Variants in DMD observed in about 807,000 individuals in gnomAD.
The protein encoded by DMD is dystrophin.
In DMD, 63 loss-of-function variants were observed where a neutral mutation model predicts 330.1. The observed-to-expected ratio is 0.19, with a 90% confidence interval of 0.16 to 0.24. The LOEUF (loss-of-function observed/expected upper bound fraction) is 0.24, where lower values mean the gene tolerates loss of function less well. DMD is among the 10% of genes least tolerant of loss of function. DMD has a pLI of 1.00. For synonymous variants in DMD, 1,223 were observed against 959.8 expected, an observed-to-expected ratio of 1.27 and a Z score of -5.07; for missense variants, 3,344 against 2,684.1, an observed-to-expected ratio of 1.25 and a Z score of -5.43.
intron 16 of DMD, among the ~76,000 whole-genome samples, chrX:32,555,393 C>T (rs776761176): frequency 1.8e-5 from 2 of 111,669 alleles, no homozygotes; most frequent in East Asian, 5.7e-4. Flanking sequence ...GATAAGGATG[C>T]CATCTCTCAC....
chrX:32,264,799 T>C (rs946175910), intron 43 of DMD, among the ~76,000 whole-genome samples: 1 of 111,661 alleles, frequency 9.0e-6, no homozygotes, highest in East Asian at 2.8e-4. Flanking sequence ...AGAGAGATGA[T>C]TTAGGGCATC....
At chrX:31,353,978 A>G (rs1359939316) in intron 60 of DMD, among the ~76,000 whole-genome samples, 1 of 112,169 alleles carries the variant, frequency 8.9e-6, no homozygotes, top group Non-Finnish European at 1.9e-5. Flanking sequence ...TGTTTCAACT[A>G]TTAGATCATA....
At chrX:31,710,196 C>G (rs2084525489) in intron 52 of DMD, among the ~76,000 whole-genome samples, 1 of 111,590 alleles carries the variant, frequency 9.0e-6, no homozygotes, top group South Asian at 3.7e-4. Context: ...CCAGATGAAT[C>G]TGGGGGTAAC....
intron 44 of DMD, among the ~76,000 whole-genome samples, chrX:32,205,033 A>ACACACACC (rs2097060573): frequency 2.3e-5 from 2 of 86,916 alleles, no homozygotes; most frequent in Non-Finnish European, 4.6e-5. Flanking sequence ...ACACACACAC[A>ACACACACC]CACACACACC....
chrX:32,292,523 G>A (rs181422962), intron 42 of DMD, among the ~76,000 whole-genome samples: 5 of 108,920 alleles, frequency 4.6e-5, no homozygotes, highest in Non-Finnish European at 9.5e-5. Flanking sequence ...TAGCCAGGAT[G>A]GTCTCGATCT....
intron 42 of DMD, among the ~76,000 whole-genome samples, chrX:32,298,280 G>C (rs975199551): frequency 4.5e-5 from 5 of 110,613 alleles, no homozygotes; most frequent in African/African-American, 1.3e-4. Context: ...AGGCAGGGTT[G>C]AATTCCGGAT....
At chrX:33,212,212 T>C (rs1245210664), upstream of DMD, among the ~76,000 whole-genome samples, 1 of 112,623 alleles carries the variant, frequency 8.9e-6, no homozygotes, top group Non-Finnish European at 1.9e-5. Flanking sequence ...TTGTGAATTA[T>C]GCTAAAACTT....
intron 7 of DMD, among the ~76,000 whole-genome samples, chrX:32,800,457 C>T (rs768513792): frequency 1.2e-4 from 13 of 111,627 alleles, no homozygotes; most frequent in Non-Finnish European, 1.7e-4. Flanking sequence ...TAAATGTGTA[C>T]TTGGTGGTTT....
Position 33,191,643 on chromosome X carries a change from C to T in DMD, c.31+19639G>A, listed in dbSNP as rs143241854. Reference sequence around the variant, plus strand: ...TACACCATGTTGGCCAGGCTGGTCTCGAACTCCTGGCCTCAAGTGATCTTC... The same window carrying T: ...TACACCATGTTGGCCAGGCTGGTCTTGAACTCCTGGCCTCAAGTGATCTTC... On this transcript the variant is annotated intron_variant, in intron 1 of 78. Coordinates refer to ENST00000357033, the MANE Select transcript of DMD (RefSeq NM_004006.3). Among the ~76,000 whole-genome samples the T allele has an allele frequency of 1.1e-3, 118 of 111,517 alleles. 3 individuals carry two copies. In the East Asian group the frequency reaches 0.028, roughly 27 times the overall value.
At chrX:33,268,873 C>T (rs1208836520) in intron 1 of DMD, among the ~76,000 whole-genome samples, 1 of 101,776 alleles carries the variant, frequency 9.8e-6, no homozygotes, top group Non-Finnish European at 2.0e-5. Context: ...GTGCAGTGAG[C>T]CAGGATTGCC....
At chrX:32,154,799 C>G (rs908368867) in intron 44 of DMD, among the ~76,000 whole-genome samples, 1 of 110,461 alleles carries the variant, frequency 9.1e-6, no homozygotes, top group African/African-American at 3.3e-5. Flanking sequence ...GCCAAGATTC[C>G]CCTAGCAGGA....
chrX:32,470,290 T>G (rs983075945), intron 22 of DMD, among the ~76,000 whole-genome samples: 3 of 111,590 alleles, frequency 2.7e-5, no homozygotes, highest in African/African-American at 9.7e-5. Context: ...CTGGTGTTTT[T>G]ACAATGTTTG....
chrX:31,476,681 G>A (rs780463385), intron 59 of DMD, among the ~76,000 whole-genome samples: 1 of 110,714 alleles, frequency 9.0e-6, no homozygotes, highest in South Asian at 3.9e-4. Context: ...ATTGGAAGAA[G>A]CTGGGTAATG....
intron 47 of DMD, among the ~76,000 whole-genome samples, chrX:31,919,721 G>T (rs1413747310): frequency 8.9e-6 from 1 of 112,106 alleles, no homozygotes; most frequent in Admixed American, 9.5e-5. Context: ...TCTTGTAATT[G>T]GTTCTAATAT....
At chrX:31,265,690 C>A (rs2050970416) in intron 62 of DMD, among the ~76,000 whole-genome samples, 1 of 104,651 alleles carries the variant, frequency 9.6e-6, no homozygotes, top group African/African-American at 3.5e-5. Context: ...TTGCTCCACT[C>A]GCTTCTCCAA....
intron 2 of DMD, among the ~76,000 whole-genome samples, chrX:32,866,329 T>C (rs905788691): frequency 2.7e-5 from 3 of 112,327 alleles, no homozygotes; most frequent in African/African-American, 9.7e-5. Context: ...AGTATGTTGG[T>C]TGTTTTAACC....
At chrX:32,362,692 C>T in intron 37 of DMD, 96 bp downstream of exon 37, 1 of 1,006,278 alleles carries the variant, frequency 9.9e-7, no homozygotes, top group Non-Finnish European at 1.4e-6. Context: ...TTTTGAAAAC[C>T]TTGCTGTGGG....
At chrX:32,731,875 A>G (rs1029658748) in intron 7 of DMD, among the ~76,000 whole-genome samples, 7 of 112,303 alleles carry the variant, frequency 6.2e-5, no homozygotes, top group East Asian at 2.8e-4. Flanking sequence ...CCAAAGGAAC[A>G]CAGTTCCTCA....
intron 52 of DMD, among the ~76,000 whole-genome samples, chrX:31,686,361 A>G (rs1365709423): frequency 1.8e-5 from 2 of 111,956 alleles, no homozygotes; most frequent in Non-Finnish European, 3.8e-5. Flanking sequence ...TTCTTAAGTA[A>G]CCACTATTTG....
Sources: gnomAD v4.1 joint callset for allele counts (sites outside exome capture counted in the v4.1 genomes callset) on GRCh38, gnomAD v4.1.1 for gene constraint, MANE v1.5 for transcripts, NCBI Gene and HGNC (gene_info 2026-07-23, HGNC 2026-07-21) for gene names.